Variants in PLCL1 observed in about 807,000 individuals in gnomAD.
PLCL1 encodes phospholipase C like 1 (inactive).
PLCL1 carries 41 observed loss-of-function variants against 84.4 expected under a neutral mutation model. The ratio of observed to expected loss-of-function variants is 0.49; its 90% confidence interval spans 0.38 to 0.63. The LOEUF (loss-of-function observed/expected upper bound fraction) is 0.63, where lower values mean the gene tolerates loss of function less well. Among genes scored for constraint, PLCL1 ranks in the 30% least tolerant of loss-of-function variants. The probability of loss-of-function intolerance (pLI) is 0.00; values close to 1 mark genes in which losing one functional copy is unlikely to be tolerated. For missense variants in PLCL1, 1,206 were observed against 1,367.8 expected, an observed-to-expected ratio of 0.88 and a Z score of 1.87; for synonymous variants, 490 against 488.3, an observed-to-expected ratio of 1.00 and a Z score of -0.05.
rs1398091729 is a variant in PLCL1 at position 198,084,411 on chromosome 2, G to A, written c.894G>A (p.Val298=). The change falls in exon 2 of 6, where the codon GTG becomes GTA. Residue 298 remains valine, a synonymous_variant. Transcript: ENST00000428675. ...GCAAGGAAAAACTAACCACCCGCGT[G>A]ACCGAAGAGGAATTTTGTGAAGCTT... ...QKSKEKLTTR[V]TEEEFCEAFC... is the part of the protein sequence containing the mutation. 6.2e-7 allele frequency: 1 copy of A among 1,614,096 alleles called. No individual in the cohort carries two copies. The highest frequency in any genetic ancestry group is 8.5e-7 in the Non-Finnish European group (1 of 1,179,994).
intron 1 of PLCL1, among the ~76,000 whole-genome samples, chr2:197,922,395 G>C (rs1181897562): frequency 9.6e-6 from 1 of 103,792 alleles, no homozygotes; most frequent in African/African-American, 3.4e-5. Flanking sequence ...AAAATGAAAA[G>C]TCTCCCATGT....
intron 1 of PLCL1, among the ~76,000 whole-genome samples, chr2:197,838,538 C>T (rs924386951): frequency 4.6e-5 from 7 of 152,000 alleles, no homozygotes; most frequent in African/African-American, 1.2e-4. Context: ...ACATAACATG[C>T]GGTATGCTTT....
At chr2:198,000,197 G>A (rs1049515113) in intron 1 of PLCL1, among the ~76,000 whole-genome samples, 8 of 152,064 alleles carry the variant, frequency 5.3e-5, no homozygotes, top group East Asian at 1.9e-4. Flanking sequence ...GCCAAGTTTC[G>A]TACATCTTAA....
chr2:198,066,660 T>A (rs1268081351), intron 1 of PLCL1, among the ~76,000 whole-genome samples: 2 of 152,192 alleles, frequency 1.3e-5, no homozygotes, highest in African/African-American at 4.8e-5. Context: ...AATTCCAGAT[T>A]TATAAAAAAT....
chr2:198,030,339 T>C (rs1691381154), intron 1 of PLCL1, among the ~76,000 whole-genome samples: 1 of 152,120 alleles, frequency 6.6e-6, no homozygotes, highest in Admixed American at 6.6e-5. Context: ...TTGCTTTTGT[T>C]GAGCAGGGGG....
At chr2:197,983,374 C>A (rs1032591337) in intron 1 of PLCL1, among the ~76,000 whole-genome samples, 1 of 151,232 alleles carries the variant, frequency 6.6e-6, no homozygotes, top group Non-Finnish European at 1.5e-5. Context: ...GGACCACAGG[C>A]GTGTACCACC....
intron 1 of PLCL1, among the ~76,000 whole-genome samples, chr2:197,818,677 C>G (rs1000828393): frequency 6.6e-6 from 1 of 152,072 alleles, no homozygotes; most frequent in Non-Finnish European, 1.5e-5. Context: ...CAAGAGATAA[C>G]TCTTAAGTGT....
At chr2:198,111,344 T>C (rs755395839) in intron 5 of PLCL1, among the ~76,000 whole-genome samples, 3 of 151,872 alleles carry the variant, frequency 2.0e-5, no homozygotes, top group Admixed American at 6.6e-5. Flanking sequence ...TAGAGTCACA[T>C]GTCCCTTCCA....
intron 5 of PLCL1, among the ~76,000 whole-genome samples, chr2:198,135,408 G>A (rs1694232492): frequency 6.6e-6 from 1 of 152,136 alleles, no homozygotes; most frequent in Admixed American, 6.6e-5. Flanking sequence ...GACACAGAGG[G>A]AGATGATCAC....
chr2:198,025,128 T>C (rs1691232782), intron 1 of PLCL1, among the ~76,000 whole-genome samples: 1 of 152,164 alleles, frequency 6.6e-6, no homozygotes, highest in Non-Finnish European at 1.5e-5. Context: ...TTGTACATGA[T>C]TCCAAAATCA....
chr2:198,065,309 C>T, intron 1 of PLCL1, among the ~76,000 whole-genome samples: 1 of 152,276 alleles, frequency 6.6e-6, no homozygotes, highest in African/African-American at 2.4e-5. Context: ...AGGCTTTCAA[C>T]TTTCCAGACC....
chr2:197,866,176 CTATATATATATATAAACTA>C (rs1559029568), intron 1 of PLCL1, among the ~76,000 whole-genome samples: 2 of 73,608 alleles, frequency 2.7e-5, no homozygotes, highest in Non-Finnish European at 2.5e-5. Context: ...TATATATAAA[CTATATATATATATAAACTA>C]TATATATATA....
intron 1 of PLCL1, among the ~76,000 whole-genome samples, chr2:197,980,033 C>T (rs537806814): frequency 2.6e-5 from 4 of 152,252 alleles, no homozygotes; most frequent in Admixed American, 2.6e-4. Flanking sequence ...ACATTGAGGG[C>T]AGGGAGGGGA....
In PLCL1 at chr2:198,084,396, A is replaced by G. The variant is rs1692800501; in HGVS notation, c.879A>G (p.Lys293=). ...AAGAAATCCAGAAGAGCAAGGAAAA[A>G]CTAACCACCCGCGTGACCGAAGAGG... ...KFKEIQKSKE[K]LTTRVTEEEF... Residue 293 remains lysine, a synonymous_variant, in exon 2 of 6, where the codon AAA becomes AAG. Transcript: ENST00000428675. 1.2e-6 allele frequency: 2 copies of G among 1,614,046 alleles called. No individual in the cohort carries two copies. The highest frequency in any genetic ancestry group is 1.7e-6 in the Non-Finnish European group (2 of 1,180,016).
At chr2:197,975,952 T>A (rs1324388315) in intron 1 of PLCL1, among the ~76,000 whole-genome samples, 31 of 152,196 alleles carry the variant, frequency 2.0e-4, no homozygotes, top group Non-Finnish European at 4.4e-5. Flanking sequence ...CATACCTTTC[T>A]TCTCCCCAAC....
intron 1 of PLCL1, among the ~76,000 whole-genome samples, chr2:198,075,354 A>T (rs1378018884): frequency 6.6e-6 from 1 of 152,242 alleles, no homozygotes; most frequent in Non-Finnish European, 1.5e-5. Context: ...CGTTCCTCAG[A>T]GGCTGCTGAA....
chr2:198,046,871 C>T (rs1691816186), intron 1 of PLCL1, among the ~76,000 whole-genome samples: 1 of 152,092 alleles, frequency 6.6e-6, no homozygotes, highest in African/African-American at 2.4e-5. Flanking sequence ...AAACCAAAAC[C>T]TTCATATATT....
intron 2 of PLCL1, 55 bp downstream of exon 2, chr2:198,086,287 A>T (rs1692880137): frequency 8.1e-7 from 1 of 1,231,616 alleles, no homozygotes; most frequent in South Asian, 1.4e-5. Flanking sequence ...CTACCCGTAT[A>T]ATGTTTTATT....
chr2:198,111,004 A>G (rs1027001545), intron 5 of PLCL1, among the ~76,000 whole-genome samples: 2 of 151,890 alleles, frequency 1.3e-5, no homozygotes, highest in African/African-American at 2.4e-5. Context: ...ATATTATTAT[A>G]CTATCAATTA....
Sources: gnomAD v4.1 joint callset for allele counts (sites outside exome capture counted in the v4.1 genomes callset) on GRCh38, gnomAD v4.1.1 for gene constraint, MANE v1.5 for transcripts, NCBI Gene and HGNC (gene_info 2026-07-23, HGNC 2026-07-21) for gene names.